SSTR3: variants seen among roughly 807,000 people sequenced by gnomAD.
The protein encoded by SSTR3 is somatostatin receptor type 3.
For missense variants in SSTR3, 504 were observed against 604.7 expected (o/e 0.83, Z 1.75); for synonymous variants, 281 against 269.2 (o/e 1.04, Z -0.43).
chr22:37,206,982 G>T lies in SSTR3; in HGVS notation c.822C>A (p.Tyr274Ter), dbSNP rs2071710. The change falls in exon 2 of 2, where the codon TAC (tyrosine) becomes TAA (stop). Residue 274 changes from tyrosine to a stop codon, truncating the protein, a stop_gained. Coordinates refer to ENST00000610913, the MANE Select transcript of SSTR3 (RefSeq NM_001051.5). LOFTEE classifies it low-confidence loss of function (END_TRUNC). ...ALFVLCWMPF[Y>*]VLNIVNVVCP... is the part of the protein sequence containing the mutation. ...ACACCACGTTGACGATGTTGAGCAC[G>T]TAGAAGGGCATCCAGCAGAGCACGA... 6.2e-7 allele frequency: 1 copy of T among 1,613,100 alleles called. No homozygotes were observed. Among genetic ancestry groups the T allele is most frequent in the South Asian group, 1.1e-5 (1 of 91,088 alleles).
chr22:37,207,534 G>T lies in SSTR3; in HGVS notation c.270C>A (p.Asp90Glu). 2 of 1,613,690 alleles carry T rather than the reference G, an allele frequency of 1.2e-6. No individual in the cohort carries two copies. Among genetic ancestry groups the T allele is most frequent in the Non-Finnish European group, 1.7e-6 (2 of 1,180,008 alleles). ...NVYILNLALA[D>E]ELFMLGLPFL... ...AGGGCAGCCCCAGCATGAAGAGCTC[G>T]TCGGCCAGCGCCAGGTTGAGGATGT... is the stretch of plus-strand genomic sequence containing the variant. The change falls in exon 2 of 2, where the codon GAC (aspartate) becomes GAA (glutamate). Residue 90 changes from aspartate to glutamate, a missense_variant. Physicochemically the swap from Asp to Glu is conservative, Grantham distance 45. Transcript: ENST00000610913.
chr22:37,218,171 T>G, the SSTR3 span, among the ~76,000 whole-genome samples: 1 of 152,238 alleles, frequency 6.6e-6, no homozygotes, highest in Non-Finnish European at 1.5e-5. Context: ...TCTACTTATT[T>G]GATTGGGTCT....
chr22:37,214,475 C>G (rs181766259), upstream of SSTR3, among the ~76,000 whole-genome samples: 1 of 152,286 alleles, frequency 6.6e-6, no homozygotes, highest in African/African-American at 2.4e-5. Flanking sequence ...GGTACAAAAG[C>G]CTTTATGCCT....
chr22:37,206,589 G>T lies in SSTR3; in HGVS notation c.1215C>A (p.Ser405=), dbSNP rs1156681831. 1.2e-6 allele frequency: 2 copies of T among 1,612,172 alleles called. No individual in the cohort carries two copies. Among genetic ancestry groups the T allele is most frequent in the Non-Finnish European group, 1.7e-6 (2 of 1,179,894 alleles). The change falls in exon 2 of 2, where the codon TCC becomes TCA. Residue 405 remains serine, a synonymous_variant. Transcript: ENST00000610913. ...GCATCGTGCTGGACTTCTCCCCAGT[G>T]GAAGCCTCTTGGGGTAGGAGCTGCT... is the stretch of plus-strand genomic sequence containing the variant. ...KEQQLLPQEA[S]TGEKSSTMRI... is the part of the protein sequence containing the mutation.
intron 1 of SSTR3, among the ~76,000 whole-genome samples, chr22:37,208,904 T>C (rs955603736): frequency 6.6e-6 from 1 of 152,112 alleles, no homozygotes; most frequent in African/African-American, 2.4e-5. Context: ...CCAAGCCCAG[T>C]GCCAAGGGGG....
intron 1 of SSTR3, among the ~76,000 whole-genome samples, chr22:37,208,764 A>T (rs954402843): frequency 2.0e-5 from 3 of 151,394 alleles, no homozygotes; most frequent in Non-Finnish European, 4.4e-5. Context: ...CGAGACTCTG[A>T]TCCCCTCCCC....
At chr22:37,214,756 C>T (rs568017929), upstream of SSTR3, among the ~76,000 whole-genome samples, 19 of 152,268 alleles carry the variant, frequency 1.2e-4, no homozygotes, top group African/African-American at 4.6e-4. Context: ...TCCTTGAGAA[C>T]CTCCTATGGC....
rs763415857 is a variant in SSTR3 at position 37,207,392 on chromosome 22, T to A, written c.412A>T (p.Ser138Cys). The A allele has an allele frequency of 6.2e-7, 1 of 1,612,852 alleles. No individual in the cohort carries two copies. Among genetic ancestry groups the A allele is most frequent in the East Asian group, 2.2e-5 (1 of 44,852 alleles). ...ACCACGGCCAGGTAGCGGTCCACGC[T>A]CATGACAGTCAGGCAGAATATGCTG... is the stretch of plus-strand genomic sequence containing the variant. ...FTSIFCLTVM[S>C]VDRYLAVVHP... Residue 138 changes from serine to cysteine, a missense_variant, in exon 2 of 2, where the codon AGC becomes TGC. Coordinates refer to ENST00000610913, the MANE Select transcript of SSTR3 (RefSeq NM_001051.5).
intron 1 of SSTR3, chr22:37,210,775 A>G (rs968690325): frequency 6.1e-6 from 6 of 985,396 alleles, no homozygotes; most frequent in African/African-American, 1.7e-5. Flanking sequence ...AGGCACCCCA[A>G]TCATTCTCCA....
Position 37,206,595 on chromosome 22 carries a change from C to T in SSTR3, c.1209G>A (p.Glu403=), listed in dbSNP as rs140947834. The change falls in exon 2 of 2, where the codon GAG becomes GAA. Residue 403 remains glutamate, a synonymous_variant. Transcript: ENST00000610913. The part of the protein sequence containing the change: ...ASKEQQLLPQ[E]ASTGEKSSTM... ...TGCTGGACTTCTCCCCAGTGGAAGC[C>T]TCTTGGGGTAGGAGCTGCTGCTCCT... 4.7e-5 allele frequency: 75 copies of T among 1,612,396 alleles called. No individual in the cohort carries two copies. The African/African-American group carries it at 9.2e-4, about 20-fold the overall frequency.
At chr22:37,209,436 G>C (rs1270334718) in intron 1 of SSTR3, among the ~76,000 whole-genome samples, 1 of 152,182 alleles carries the variant, frequency 6.6e-6, no homozygotes, top group Non-Finnish European at 1.5e-5. Context: ...TTCTGAGCCT[G>C]GGTCATCCCC....
intron 1 of SSTR3, 148 bp downstream of exon 1, chr22:37,211,677 G>T: frequency 1.2e-6 from 1 of 815,072 alleles, no homozygotes; most frequent in African/African-American, 1.9e-5. Flanking sequence ...CAGCCGACCG[G>T]GAGGTCACAG....
rs554837429 is a variant in SSTR3, at chr22:37,206,659, G to A, written c.1145C>T (p.Thr382Ile). 1 of 1,610,508 alleles carries A rather than the reference G, an allele frequency of 6.2e-7. No homozygotes were observed. Among genetic ancestry groups the A allele is most frequent in the East Asian group, 2.2e-5 (1 of 44,886 alleles). ...GCTGGGCGGCCGCTCCTGCCCGCTG[G>A]TGCCAGGCTGCGTGATCTGGCTGAC... ...GRVSQITQPGTSGQERPPSRV... is the reference protein window; with the variant it reads ...GRVSQITQPGISGQERPPSRV... The change falls in exon 2 of 2, where the codon ACC becomes ATC. Residue 382 changes from threonine to isoleucine, a missense_variant. Physicochemically the swap from Thr to Ile is moderately conservative, Grantham distance 89. Transcript: ENST00000610913.
rs752999046 is a variant in SSTR3 at position 37,207,246 on chromosome 22, G to A, written c.558C>T (p.Arg186=). The change falls in exon 2 of 2, where the codon CGC becomes CGT. Residue 186 remains arginine (R), a synonymous_variant. Transcript: ENST00000610913. ...LPVVVFSGVP[R]GMSTCHMQWP... is the part of the protein sequence containing the mutation. ...ACTGCATGTGGCAGGTGCTCATGCCGCGGGGCACTCCCGAGAAGACCACCA... is the reference window on the plus strand; with the variant it reads ...ACTGCATGTGGCAGGTGCTCATGCCACGGGGCACTCCCGAGAAGACCACCA... The A allele has an allele frequency of 3.5e-5, 56 of 1,605,404 alleles. No homozygotes were observed. Among genetic ancestry groups the A allele is most frequent in the Admixed American group, 2.0e-4 (12 of 59,416 alleles).
Position 37,207,295 on chromosome 22 carries a change from G to A in SSTR3, c.509C>T (p.Ala170Val), listed in dbSNP as rs1455865730. 2 of 1,592,670 alleles carry A rather than the reference G, an allele frequency of 1.3e-6. No homozygotes were observed. The highest frequency in any genetic ancestry group is 2.7e-5 in the African/African-American group (2 of 74,528). ...CACGGGCAGCACCACCACGGCTGAG[G>A]CCACCCACACAGCCGCGCTGACCGT... Reference protein sequence around the residue: ...ARTVSAAVWVASAVVVLPVVV... With the variant: ...ARTVSAAVWVVSAVVVLPVVV... The change falls in exon 2 of 2, where the codon GCC becomes GTC. Residue 170 changes from alanine to valine, a missense_variant. Ala to Val is a moderately conservative substitution (Grantham distance 64). Transcript: ENST00000610913.
chr22:37,215,902 C>A, upstream of SSTR3: 1 of 260,122 alleles, frequency 3.8e-6, no homozygotes. Flanking sequence ...TGGCGAGAAA[C>A]GGAGTCAACC....
chr22:37,207,524 T>C lies in SSTR3; in HGVS notation c.280A>G (p.Met94Val), dbSNP rs1569079509. 2 of 1,613,396 alleles carry C rather than the reference T, an allele frequency of 1.2e-6. No homozygotes were observed. Among genetic ancestry groups the C allele is most frequent in the South Asian group, 1.1e-5 (1 of 91,044 alleles). The part of the protein sequence containing the change: ...LNLALADELF[M>V]LGLPFLAAQN... ...GCGGCCAGGAAGGGCAGCCCCAGCA[T>C]GAAGAGCTCGTCGGCCAGCGCCAGG... The change falls in exon 2 of 2, where the codon ATG (methionine) becomes GTG (valine). Residue 94 changes from methionine to valine, a missense_variant. Transcript: ENST00000610913.
chr22:37,207,771 C>A lies in SSTR3; in HGVS notation c.33G>T (p.Thr11=), dbSNP rs753423507. 2.0e-6 allele frequency: 3 copies of A among 1,512,980 alleles called. No homozygotes were observed. Among genetic ancestry groups the A allele is most frequent in the Admixed American group, 4.5e-5 (2 of 44,440 alleles). 93.7% of individuals were successfully genotyped at this position (1,512,980 alleles called of 1,614,324 possible). Residue 11 remains threonine (T), a synonymous_variant, in exon 2 of 2, where the codon ACG becomes ACT. Transcript: ENST00000610913. Reference sequence around the variant, plus strand: ...AGGAGGCATTCTCAGGTTCTGAGGTCGTGGACACCGATGATGGATGAAGCA... The same window carrying A: ...AGGAGGCATTCTCAGGTTCTGAGGTAGTGGACACCGATGATGGATGAAGCA... MDMLHPSSVS[T]TSEPENASSA... is the part of the protein sequence containing the mutation.
At chr22:37,210,096 C>G (rs1202370601) in intron 1 of SSTR3, among the ~76,000 whole-genome samples, 1 of 152,232 alleles carries the variant, frequency 6.6e-6, no homozygotes, top group Non-Finnish European at 1.5e-5. Flanking sequence ...ATCCACCTTG[C>G]TGCCCTGTGC....
Sources: gnomAD v4.1 joint callset for allele counts (sites outside exome capture counted in the v4.1 genomes callset) on GRCh38, gnomAD v4.1.1 for gene constraint, MANE v1.5 for transcripts, NCBI Gene and HGNC (gene_info 2026-07-23, HGNC 2026-07-21) for gene names.